The following LYZ variants were observed in gnomAD, a reference collection of about 807,000 sequenced individuals.
LYZ encodes lysozyme C.
In LYZ, 18 loss-of-function variants were observed where a neutral mutation model predicts 15.8. The ratio of observed to expected loss-of-function variants is 1.14; its 90% CI spans 0.79 to 1.69. The LOEUF is 1.69. LYZ is among the 40% of genes most tolerant of loss of function. The probability of loss-of-function intolerance (pLI) is 0.00; values close to 1 mark genes in which losing one functional copy is unlikely to be tolerated. For synonymous variants in LYZ, 60 were observed against 61.7 expected (o/e 0.97, Z 0.13); for missense variants, 139 against 182.8 (o/e 0.76, Z 1.38).
At chr12:69,352,085 A>G in intron 2 of LYZ, 135 bp from the exon 3 acceptor site, 2 of 621,178 alleles carry the variant, frequency 3.2e-6, no homozygotes, top group Non-Finnish European at 5.7e-6. Context: ...TTTCCCCAAC[A>G]ATTACACATA....
Position 69,354,064 on chromosome 12 carries a change from GTTTC to G in LYZ, c.*851_*854del, listed in dbSNP as rs1874910938. On this transcript the variant is annotated 3_prime_UTR_variant, in exon 4 of 4. Transcript: ENST00000261267. ...TGAGAATTTTGATTTCTTAAAGTGTGTTTCTTTCTAAATTGCTGTTCCTTAATTT... is the reference window on the plus strand; with the variant it reads ...TGAGAATTTTGATTTCTTAAAGTGTGTTTCTAAATTGCTGTTCCTTAATTT... 1 of 152,058 alleles carries G rather than the reference GTTTC, an allele frequency of 6.6e-6. No homozygotes were observed. The highest frequency in any genetic ancestry group is 2.1e-4 in the South Asian group (1 of 4,814). The allele number at this position is 152,058 out of a possible 1,614,324, so 9.4% of individuals were successfully genotyped here.
intron 3 of LYZ, 56 bp from the exon 4 acceptor site, chr12:69,353,097 T>C (rs755002269): frequency 8.5e-7 from 1 of 1,179,048 alleles, no homozygotes; most frequent in Non-Finnish European, 1.3e-6. Flanking sequence ...GAAGTATGTA[T>C]ATTACAATGA....
In LYZ at chr12:69,353,493, C is replaced by A. The variant is rs1432149379; in HGVS notation, c.*274C>A. 4.2e-6 allele frequency: 1 copy of A among 239,146 alleles called. No homozygotes were observed. Among genetic ancestry groups the A allele is most frequent in the Non-Finnish European group, 6.9e-6 (1 of 144,274 alleles). 14.8% of individuals were successfully genotyped at this position (239,146 alleles called of 1,614,324 possible). On this transcript the variant is annotated 3_prime_UTR_variant, in exon 4 of 4. Transcript: ENST00000261267. ...TATCAAATACATCTCCAGTACATTC[C>A]GTTCTTTTTTTTTTTGAGACAGTCT...
At chr12:69,351,169 T>C (rs1212217403) in intron 2 of LYZ, among the ~76,000 whole-genome samples, 1 of 152,212 alleles carries the variant, frequency 6.6e-6, no homozygotes, top group Admixed American at 6.5e-5. Flanking sequence ...TGTAGAATTA[T>C]TATTGTAAAT....
chr12:69,351,104 T>C (rs1007012684), intron 2 of LYZ, among the ~76,000 whole-genome samples: 11 of 152,124 alleles, frequency 7.2e-5, no homozygotes, highest in African/African-American at 2.7e-4. Flanking sequence ...ATTAGGAACA[T>C]GATGATATTC....
In LYZ at chr12:69,353,868, A is replaced by G. The variant is rs1874905603; in HGVS notation, c.*649A>G. Reference sequence around the variant, plus strand: ...TGCCCAATATTAAGTAAAAAATATAAGAAAAGGTTATCTTAAATAGATCTT... The same window carrying G: ...TGCCCAATATTAAGTAAAAAATATAGGAAAAGGTTATCTTAAATAGATCTT... On this transcript the variant is annotated 3_prime_UTR_variant, in exon 4 of 4. Transcript: ENST00000261267. The G allele has an allele frequency of 6.5e-6, 1 of 152,706 alleles. No individual in the cohort carries two copies. The highest frequency in any genetic ancestry group is 1.5e-5 in the Non-Finnish European group (1 of 68,420). 9.5% of individuals were successfully genotyped at this position (152,706 alleles called of 1,614,324 possible). A position where few individuals can be genotyped will look rare whatever the true frequency, so the allele number is the denominator to read the frequency against.
Position 69,353,686 on chromosome 12 carries a change from C to T in LYZ, c.*467C>T, listed in dbSNP as rs1874899322. On this transcript the variant is annotated 3_prime_UTR_variant, in exon 4 of 4. Transcript: ENST00000261267. ...TGTATTTTTAGTAGAGACAGGGTTT[C>T]ACCGTGTTAGCCAGGATGGTCTCGA... is the stretch of plus-strand genomic sequence containing the variant. 4.6e-6 allele frequency: 1 copy of T among 216,060 alleles called. No homozygotes were observed. The highest frequency in any genetic ancestry group is 2.4e-5 in the African/African-American group (1 of 42,218). The allele number at this position is 216,060 out of a possible 1,614,324, so 13.4% of individuals were successfully genotyped here. A position where few individuals can be genotyped will look rare whatever the true frequency, so the allele number is the denominator to read the frequency against.
chr12:69,353,497 C>CTTTTTTTTTTTTTTTTTTTTTTTTT lies in LYZ; in HGVS notation c.*289_*290insTTTTTTTTTTTTTTTTTTTTTTTTT. On this transcript the variant is annotated 3_prime_UTR_variant, in exon 4 of 4. Transcript: ENST00000261267. Reference sequence around the variant, plus strand: ...AAATACATCTCCAGTACATTCCGTTCTTTTTTTTTTTGAGACAGTCTCGCT... The same window carrying CTTTTTTTTTTTTTTTTTTTTTTTTT: ...AAATACATCTCCAGTACATTCCGTTCTTTTTTTTTTTTTTTTTTTTTTTTTTTTTTTTTTTTGAGACAGTCTCGCT... 1 of 252,662 alleles carries CTTTTTTTTTTTTTTTTTTTTTTTTT rather than the reference C, an allele frequency of 4.0e-6. No individual in the cohort carries two copies. Among genetic ancestry groups the CTTTTTTTTTTTTTTTTTTTTTTTTT allele is most frequent in the Non-Finnish European group, 7.3e-6 (1 of 137,604 alleles). The allele number at this position is 252,662 out of a possible 1,614,324, so 15.7% of individuals were successfully genotyped here. A position where few individuals can be genotyped will look rare whatever the true frequency, so the allele number is the denominator to read the frequency against.
intron 1 of LYZ, 149 bp downstream of exon 1, chr12:69,348,693 G>C (rs1333548583): frequency 2.0e-6 from 2 of 1,025,130 alleles, no homozygotes; most frequent in Non-Finnish European, 2.9e-6. Context: ...CATCAGTTTG[G>C]TTCTTTATAA....
At chr12:69,351,406 C>G (rs1048094386) in intron 2 of LYZ, among the ~76,000 whole-genome samples, 5 of 151,414 alleles carry the variant, frequency 3.3e-5, no homozygotes, top group Non-Finnish European at 4.4e-5. Context: ...AATATTTGGT[C>G]ATTAAATAAA....
At chr12:69,352,358 G>A (rs1035150562) in intron 3 of LYZ, 60 bp downstream of exon 3, 245 of 1,404,944 alleles carry the variant, frequency 1.7e-4, no homozygotes, top group Non-Finnish European at 2.3e-4. Context: ...TATACAATGA[G>A]AGCAGACTTT....
At chr12:69,350,058 T>A (rs367987339) in intron 1 of LYZ, 50 bp from the exon 2 acceptor site, 2 of 1,515,764 alleles carry the variant, frequency 1.3e-6, no homozygotes, top group Non-Finnish European at 1.8e-6. Flanking sequence ...TGCTATAGAG[T>A]ATAAGTCACT....
rs387906536 is a variant in LYZ at position 69,350,215 on chromosome 12, T to C, written c.244T>C (p.Trp82Arg). Residue 82 changes from tryptophan to arginine, a missense_variant, in exon 2 of 4, where the codon TGG becomes CGG. Physicochemically the swap from Trp to Arg is moderately radical, Grantham distance 101 (BLOSUM62 -3). Coordinates refer to ENST00000261267, the MANE Select transcript of LYZ (RefSeq NM_000239.3). Reference sequence around the variant, plus strand: ...GATATTTCAGATCAATAGCCGCTACTGGTGTAATGATGGCAAAACCCCAGG... The same window carrying C: ...GATATTTCAGATCAATAGCCGCTACCGGTGTAATGATGGCAAAACCCCAGG... ...YGIFQINSRY[W>R]CNDGKTPGAV... The C allele has an allele frequency of 6.2e-7, 1 of 1,614,144 alleles. No homozygotes were observed. The highest frequency in any genetic ancestry group is 8.5e-7 in the Non-Finnish European group (1 of 1,179,996).
intron 2 of LYZ, among the ~76,000 whole-genome samples, chr12:69,351,944 GT>G (rs927144010): frequency 1.3e-5 from 2 of 151,952 alleles, no homozygotes; most frequent in African/African-American, 4.8e-5. Context: ...ATCACTAGGT[GT>G]TTTTTTACAG....
chr12:69,353,263 T>A lies in LYZ; in HGVS notation c.*44T>A, dbSNP rs746015240. ...TCAGCTCATTTTGTCTCTCTCACAT[T>A]AAGGGAGTAGGAATTAAGTGAAAGG... On this transcript the variant is annotated 3_prime_UTR_variant, in exon 4 of 4. Coordinates refer to ENST00000261267, the MANE Select transcript of LYZ (RefSeq NM_000239.3). The A allele has an allele frequency of 2.1e-6, 3 of 1,407,888 alleles. No individual in the cohort carries two copies. The highest frequency in any genetic ancestry group is 3.0e-6 in the Non-Finnish European group (3 of 991,870). The allele number at this position is 1,407,888 out of a possible 1,614,324, so 87.2% of individuals were successfully genotyped here.
rs1874857244 is a variant in LYZ, at chr12:69,352,225, C to G, written c.307C>G (p.Leu103Val). The change falls in exon 3 of 4, where the codon CTG becomes GTG. Residue 103 changes from leucine to valine, a missense_variant. Physicochemically the swap from Leu to Val is conservative, Grantham distance 32. Transcript: ENST00000261267. ...NACHLSCSAL[L>V]QDNIADAVAC... ...CCTTACCACCTGTCTTTCAGCTTTGCTGCAAGATAACATCGCTGATGCTGT... is the reference window on the plus strand; with the variant it reads ...CCTTACCACCTGTCTTTCAGCTTTGGTGCAAGATAACATCGCTGATGCTGT... 1 of 1,612,942 alleles carries G rather than the reference C, an allele frequency of 6.2e-7. No individual in the cohort carries two copies. The highest frequency in any genetic ancestry group is 1.3e-5 in the African/African-American group (1 of 74,918).
chr12:69,350,613 C>CT (rs527256319), intron 2 of LYZ: 2,613 of 234,198 alleles, frequency 0.011, no homozygotes, highest in South Asian at 0.023. Flanking sequence ...AATTGTTTTA[C>CT]TTTTTTTTTT....
intron 1 of LYZ, 132 bp downstream of exon 1, chr12:69,348,676 C>T: frequency 2.7e-6 from 3 of 1,108,414 alleles, no homozygotes; most frequent in Non-Finnish European, 4.0e-6. Context: ...CTTACAATGG[C>T]TAAAAACATC....
In LYZ at chr12:69,351,832, T is replaced by C. The variant is rs548247772; in HGVS notation, c.302-388T>C. On this transcript the variant is annotated intron_variant, in intron 2 of 3. Coordinates refer to ENST00000261267, the MANE Select transcript of LYZ (RefSeq NM_000239.3). Reference sequence around the variant, plus strand: ...ATTGAGCACTTAGGTTGTTTCCATTTTTCCCTCATAAATTGCTATGAATAG... The same window carrying C: ...ATTGAGCACTTAGGTTGTTTCCATTCTTCCCTCATAAATTGCTATGAATAG... Among the ~76,000 whole-genome samples, 3 of 152,212 alleles carry C rather than the reference T, an allele frequency of 2.0e-5. 1 individual carries two copies. In the South Asian group the frequency reaches 6.2e-4, roughly 31 times the overall value.
Sources: allele counts gnomAD v4.1 joint callset (sites outside exome capture counted in the v4.1 genomes callset), GRCh38; gene constraint gnomAD v4.1.1; transcripts MANE v1.5; gene names NCBI Gene and HGNC (gene_info 2026-07-23, HGNC 2026-07-21).